DLC1: variants seen among roughly 807,000 people sequenced by gnomAD.
The protein encoded by DLC1 is DLC1 Rho GTPase activating protein, also known as rho GTPase-activating protein 7.
A neutral mutation model predicts 140.3 loss-of-function variants in DLC1; 54 were observed. The ratio of observed to expected loss-of-function variants is 0.38; its 90% CI spans 0.31 to 0.48. The LOEUF (loss-of-function observed/expected upper bound fraction) is 0.48. Ranked by LOEUF, DLC1 falls within the 20% of genes least tolerant of loss-of-function variation. DLC1 has a pLI of 0.96. For missense variants in DLC1, 2,536 were observed against 1,907.0 expected (o/e 1.33, Z -6.14); for synonymous variants, 986 against 728.1 (o/e 1.35, Z -5.70).
intron 2 of DLC1, among the ~76,000 whole-genome samples, chr8:13,474,623 C>G (rs1044164895): frequency 6.6e-6 from 1 of 152,188 alleles, no homozygotes; most frequent in African/African-American, 2.4e-5. Flanking sequence ...ACCTGCAAAG[C>G]CACATGGGCG....
At chr8:13,348,229 G>A (rs185059991) in intron 4 of DLC1, among the ~76,000 whole-genome samples, 68 of 152,286 alleles carry the variant, frequency 4.5e-4, no homozygotes, top group Middle Eastern at 3.4e-3. Flanking sequence ...ATACAGCCTG[G>A]CTTCCGTGTG....
At position 13,083,900 on chromosome 8, in the gene DLC1, G is replaced by C. The variant is rs1817346149; in HGVS notation, c.*1911C>G. 1.3e-5 allele frequency: 2 copies of C among 152,622 alleles called. No homozygotes were observed. The highest frequency in any genetic ancestry group is 2.9e-5 in the Non-Finnish European group (2 of 68,040). The allele number at this position is 152,622 out of a possible 1,614,324, so 9.5% of individuals were successfully genotyped here. A position where few individuals can be genotyped will look rare whatever the true frequency, so the allele number is the denominator to read the frequency against. On this transcript the variant is annotated 3_prime_UTR_variant, in exon 18 of 18. Transcript: ENST00000276297. ...GGGTGGGAGTGAGATGCAATATTAA[G>C]GAAGGCAGCCCAGACTTTTCCCTTA...
intron 1 of DLC1, among the ~76,000 whole-genome samples, chr8:13,603,927 C>G (rs1309495621): frequency 6.6e-6 from 1 of 151,988 alleles, no homozygotes; most frequent in Non-Finnish European, 1.5e-5. Context: ...CTGCGTGAGT[C>G]TGTTTGGTAC....
chr8:13,537,915 A>G (rs147849649), intron 1 of DLC1, among the ~76,000 whole-genome samples: 2,245 of 152,128 alleles, frequency 0.015, 28 homozygotes, highest in Non-Finnish European at 0.019. Context: ...CGGCCTCCCA[A>G]AGTTCTGGGA....
At chr8:13,181,978 C>T (rs1826068779) in intron 5 of DLC1, among the ~76,000 whole-genome samples, 2 of 152,178 alleles carry the variant, frequency 1.3e-5, no homozygotes, top group South Asian at 4.1e-4. Flanking sequence ...TCTTATTTCT[C>T]CACGTCTTCT....
chr8:13,281,413 C>T (rs550570720), intron 5 of DLC1, among the ~76,000 whole-genome samples: 7 of 152,294 alleles, frequency 4.6e-5, no homozygotes, highest in African/African-American at 1.7e-4. Context: ...TAGCTCTGAC[C>T]TGGGGACAAA....
At chr8:13,353,829 C>T (rs1274204784) in intron 4 of DLC1, among the ~76,000 whole-genome samples, 1 of 151,674 alleles carries the variant, frequency 6.6e-6, no homozygotes, top group Non-Finnish European at 1.5e-5. Flanking sequence ...TGCACTCCAG[C>T]CTGGGGGACA....
At chr8:13,491,092 A>G (rs1197729313) in intron 2 of DLC1, among the ~76,000 whole-genome samples, 2 of 147,868 alleles carry the variant, frequency 1.4e-5, no homozygotes, top group East Asian at 2.0e-4. Flanking sequence ...ACATATTCAA[A>G]TTTAATATTT....
intron 1 of DLC1, among the ~76,000 whole-genome samples, chr8:13,504,943 T>A (rs1469629146): frequency 6.6e-6 from 1 of 152,116 alleles, no homozygotes; most frequent in Admixed American, 6.6e-5. Context: ...TGGTCAATCA[T>A]TTCACATAAC....
intron 1 of DLC1, among the ~76,000 whole-genome samples, chr8:13,602,080 C>G (rs541161915): frequency 4.0e-4 from 61 of 151,922 alleles, no homozygotes; most frequent in Non-Finnish European, 7.8e-4. Context: ...AAACATAAAT[C>G]ATGAATCTGA....
intron 2 of DLC1, among the ~76,000 whole-genome samples, chr8:13,412,931 C>CAAAAAAAAAAA (rs771025112): frequency 1.1e-5 from 1 of 94,008 alleles, no homozygotes; most frequent in Non-Finnish European, 1.9e-5. Context: ...GACTCCATCT[C>CAAAAAAAAAAA]AAAAAAAAAA....
rs2128930487 is a variant in DLC1, at chr8:13,092,652, A to G, written c.3700T>C (p.Phe1234Leu). ...TCTCTCTTCAGGGTGTTGAGATGGA[A>G]GAGGGAAGGCGCTAAGCACACGGCC... is the stretch of plus-strand genomic sequence containing the variant. ...NLAVCLAPSL[F>L]HLNTLKRENS... is the part of the protein sequence containing the mutation. Residue 1234 changes from phenylalanine (F) to leucine (L), a missense_variant, in exon 13 of 18, where the codon TTC (phenylalanine) becomes CTC (leucine). Transcript: ENST00000276297. 1 of 1,614,156 alleles carries G rather than the reference A, an allele frequency of 6.2e-7. No homozygotes were observed. Among genetic ancestry groups the G allele is most frequent in the Non-Finnish European group, 8.5e-7 (1 of 1,180,028 alleles).
chr8:13,163,921 C>T (rs1171359136), intron 5 of DLC1, among the ~76,000 whole-genome samples: 3 of 152,130 alleles, frequency 2.0e-5, no homozygotes, highest in Non-Finnish European at 4.4e-5. Context: ...GGGAGGATTG[C>T]TTGAGCCCAG....
chr8:13,405,903 CTTT>C (rs2117271391), intron 2 of DLC1, among the ~76,000 whole-genome samples: 1 of 90,658 alleles, frequency 1.1e-5, no homozygotes, highest in African/African-American at 4.0e-5. Flanking sequence ...CTTTCTTTTT[CTTT>C]CTTTCTTTTC....
chr8:13,367,818 G>A (rs1272083775), intron 4 of DLC1, among the ~76,000 whole-genome samples: 1 of 152,188 alleles, frequency 6.6e-6, no homozygotes, highest in Non-Finnish European at 1.5e-5. Context: ...TGAGACAGGA[G>A]AGGTTTCAAG....
chr8:13,429,990 C>G (rs889759693), intron 2 of DLC1, among the ~76,000 whole-genome samples: 1 of 152,120 alleles, frequency 6.6e-6, no homozygotes, highest in African/African-American at 2.4e-5. Context: ...CATGACTAAA[C>G]ATTAGATTCA....
intron 2 of DLC1, among the ~76,000 whole-genome samples, chr8:13,494,373 C>T (rs139752985): frequency 0.023 from 3,481 of 152,232 alleles, 59 homozygotes; most frequent in Non-Finnish European, 0.034. Context: ...TATGCCCATG[C>T]AACTAAATTC....
At chr8:13,481,457 A>G in intron 2 of DLC1, among the ~76,000 whole-genome samples, 1 of 152,144 alleles carries the variant, frequency 6.6e-6, no homozygotes, top group East Asian at 1.9e-4. Flanking sequence ...AAACAAACAA[A>G]CAGAAGAATA....
Position 13,100,004 on chromosome 8 carries a change from C to A in DLC1, c.2333G>T (p.Gly778Val). 1 of 1,612,534 alleles carries A rather than the reference C, an allele frequency of 6.2e-7. No homozygotes were observed. The highest frequency in any genetic ancestry group is 2.2e-5 in the East Asian group (1 of 44,866). ...CNKRVGMYLE[G>V]FDPFNQSTFN... Reference sequence around the variant, plus strand: ...TGTTGACTGATTGAAAGGATCGAAGCCCTCTAAGTACATGCCCACCCGCTT... The same window carrying A: ...TGTTGACTGATTGAAAGGATCGAAGACCTCTAAGTACATGCCCACCCGCTT... Residue 778 changes from glycine to valine, a missense_variant, in exon 9 of 18, where the codon GGC becomes GTC. Physicochemically the swap from Gly to Val is moderately radical, Grantham distance 109. Coordinates refer to ENST00000276297, the MANE Select transcript of DLC1 (RefSeq NM_182643.3).
Sources: gnomAD v4.1 joint callset for allele counts (sites outside exome capture counted in the v4.1 genomes callset) on GRCh38, gnomAD v4.1.1 for gene constraint, MANE v1.5 for transcripts, NCBI Gene and HGNC (gene_info 2026-07-23, HGNC 2026-07-21) for gene names.